The following ZBTB20 variants were observed in gnomAD, a reference collection of about 807,000 sequenced individuals.
The protein encoded by ZBTB20 is zinc finger and BTB domain-containing protein 20.
A neutral mutation model predicts 56.9 loss-of-function variants in ZBTB20; 9 were observed. The ratio of observed to expected loss-of-function variants is 0.16; its 90% CI spans 0.10 to 0.28. The LOEUF is 0.28. ZBTB20 is among the 10% of genes least tolerant of loss of function. The pLI is 1.00. For missense variants in ZBTB20, 655 were observed against 1,003.0 expected (o/e 0.65, Z 4.69); for synonymous variants, 417 against 420.7 (o/e 0.99, Z 0.11).
chr3:114,432,680 C>T (rs930334383), intron 7 of ZBTB20, among the ~76,000 whole-genome samples: 4 of 152,122 alleles, frequency 2.6e-5, no homozygotes, highest in Admixed American at 6.5e-5. Context: ...GTGAGACAGA[C>T]TTTTTGAGGA....
chr3:115,028,947 T>C (rs2080543001), intron 2 of ZBTB20, among the ~76,000 whole-genome samples: 1 of 150,554 alleles, frequency 6.6e-6, no homozygotes, highest in South Asian at 2.1e-4. Context: ...ATTATTATAA[T>C]TTGGAAGCTC....
At chr3:114,732,180 T>C (rs187888418) in intron 5 of ZBTB20, among the ~76,000 whole-genome samples, 45 of 152,306 alleles carry the variant, frequency 3.0e-4, no homozygotes, top group African/African-American at 9.9e-4. Flanking sequence ...TTTCTATACT[T>C]TCTGTAAATC....
intron 4 of ZBTB20, among the ~76,000 whole-genome samples, chr3:114,843,856 T>C (rs1251789736): frequency 6.6e-6 from 1 of 151,672 alleles, no homozygotes; most frequent in Non-Finnish European, 1.5e-5. Flanking sequence ...TTTTTTTTTT[T>C]TTGTATTTTG....
chr3:114,594,213 T>C (rs2056093455), intron 6 of ZBTB20, among the ~76,000 whole-genome samples: 1 of 152,074 alleles, frequency 6.6e-6, no homozygotes, highest in Non-Finnish European at 1.5e-5. Context: ...AATTAAAATG[T>C]AGTTCCAAAG....
intron 6 of ZBTB20, among the ~76,000 whole-genome samples, chr3:114,546,711 T>C (rs1187708741): frequency 6.6e-6 from 1 of 152,158 alleles, no homozygotes; most frequent in Non-Finnish European, 1.5e-5. Flanking sequence ...CTCCACTCCC[T>C]GAAGATGTTT....
At chr3:114,379,527 T>C (rs1432460753) in intron 10 of ZBTB20, among the ~76,000 whole-genome samples, 1 of 152,232 alleles carries the variant, frequency 6.6e-6, no homozygotes. Context: ...AGTGGGAAGA[T>C]GGCAAAAATA....
chr3:114,733,290 G>A (rs1177506974), intron 5 of ZBTB20, among the ~76,000 whole-genome samples: 2 of 152,132 alleles, frequency 1.3e-5, no homozygotes, highest in Admixed American at 1.3e-4. Context: ...ATAACAGGTA[G>A]TTCTCCAATG....
intron 5 of ZBTB20, among the ~76,000 whole-genome samples, chr3:114,774,658 C>A (rs1388457893): frequency 6.6e-6 from 1 of 152,134 alleles, no homozygotes; most frequent in Non-Finnish European, 1.5e-5. Flanking sequence ...CTCGCCAACT[C>A]TCTTTTTAAG....
chr3:114,721,433 A>T (rs928647516), intron 5 of ZBTB20, among the ~76,000 whole-genome samples: 2 of 152,304 alleles, frequency 1.3e-5, no homozygotes, highest in East Asian at 3.9e-4. Context: ...GCAGAAATGT[A>T]CAGGAAATAA....
At position 114,944,030 on chromosome 3, in the gene ZBTB20, T is replaced by C. The variant is rs747948481; in HGVS notation, c.-456+30336A>G. 1.1e-4 allele frequency among the ~76,000 whole-genome samples: 16 copies of C among 145,660 alleles called. No individual in the cohort carries two copies. In the East Asian group the frequency reaches 2.3e-3, roughly 21 times the overall value. Reference sequence around the variant, plus strand: ...ACTTTGTAAGGATTAGTAAGTCTGATAACTGATTGCTCATGAAAAACAATT... The same window carrying C: ...ACTTTGTAAGGATTAGTAAGTCTGACAACTGATTGCTCATGAAAAACAATT... On this transcript the variant is annotated intron_variant, in intron 3 of 11. Transcript: ENST00000675478.
chr3:114,974,437 A>C (rs1200621013), intron 2 of ZBTB20, 21 bp from the exon 3 acceptor site: 1 of 152,172 alleles, frequency 6.6e-6, no homozygotes, highest in Non-Finnish European at 1.5e-5. Flanking sequence ...AGGAATACTT[A>C]AAATTAGAAA....
At chr3:114,927,847 C>G (rs1229936766) in intron 3 of ZBTB20, among the ~76,000 whole-genome samples, 2 of 152,150 alleles carry the variant, frequency 1.3e-5, no homozygotes, top group Non-Finnish European at 2.9e-5. Context: ...TAACTTCAAA[C>G]AGCAAGGAAA....
intron 7 of ZBTB20, among the ~76,000 whole-genome samples, chr3:114,455,206 C>T (rs2091939164): frequency 6.6e-6 from 1 of 151,944 alleles, no homozygotes; most frequent in Non-Finnish European, 1.5e-5. Context: ...TCAGGTTAAT[C>T]ATCCCTACTT....
intron 6 of ZBTB20, among the ~76,000 whole-genome samples, chr3:114,686,299 G>A (rs2062338908): frequency 1.3e-5 from 2 of 152,316 alleles, no homozygotes; most frequent in African/African-American, 2.4e-5. Flanking sequence ...AATCCACTGA[G>A]CAAGGTAAAG....
At chr3:114,441,110 C>G (rs1428959015) in intron 7 of ZBTB20, among the ~76,000 whole-genome samples, 4 of 152,114 alleles carry the variant, frequency 2.6e-5, no homozygotes. Flanking sequence ...TGTCTCTTAT[C>G]ATGCTTCTGG....
chr3:114,962,221 T>A (rs2077479802), intron 3 of ZBTB20, among the ~76,000 whole-genome samples: 1 of 152,144 alleles, frequency 6.6e-6, no homozygotes, highest in African/African-American at 2.4e-5. Context: ...GAATTTAGCA[T>A]GATAGCACTA....
In ZBTB20 at chr3:114,431,791, G is replaced by A. The variant is rs567449368; in HGVS notation, c.-254-42686C>T. On this transcript the variant is annotated intron_variant, in intron 7 of 11. Coordinates refer to ENST00000675478, the MANE Select transcript of ZBTB20 (RefSeq NM_001348800.3). ...ACCAAAGGTAAAAACAGCATTGACA[G>A]CTACTGCAGTTTGGTCTGTTTAACA... is the stretch of plus-strand genomic sequence containing the variant. Among the ~76,000 whole-genome samples, 6 of 152,284 alleles carry A rather than the reference G, an allele frequency of 3.9e-5. No homozygotes were observed. The South Asian group carries it at 1.0e-3, about 26-fold the overall frequency.
At chr3:114,882,886 A>T (rs1045601435) in intron 4 of ZBTB20, among the ~76,000 whole-genome samples, 2 of 152,150 alleles carry the variant, frequency 1.3e-5, no homozygotes, top group African/African-American at 2.4e-5. Context: ...ACATTTTAAA[A>T]ATACAAATAG....
intron 4 of ZBTB20, among the ~76,000 whole-genome samples, chr3:114,806,174 C>A (rs1237784492): frequency 6.6e-6 from 1 of 151,802 alleles, no homozygotes; most frequent in Non-Finnish European, 1.5e-5. Flanking sequence ...ACTTCCAAAC[C>A]ACTTTCCAAA....
Sources: gnomAD v4.1 joint callset for allele counts (sites outside exome capture counted in the v4.1 genomes callset) on GRCh38, gnomAD v4.1.1 for gene constraint, MANE v1.5 for transcripts, NCBI Gene and HGNC (gene_info 2026-07-23, HGNC 2026-07-21) for gene names.